The following SH3GL2 variants were observed in gnomAD, a reference collection of about 807,000 sequenced individuals.
The protein encoded by SH3GL2 is SH3 domain containing GRB2 like 2, endophilin A1.
A neutral mutation model predicts 46.0 loss-of-function variants in SH3GL2; 24 were observed. That is an observed-to-expected ratio of 0.52 (90% CI 0.38 to 0.73). The LOEUF is 0.73. Among genes scored for constraint, SH3GL2 ranks in the 30% least tolerant of loss-of-function variants. The pLI, the probability that SH3GL2 is intolerant of heterozygous loss-of-function variation, is 0.00. For missense variants in SH3GL2, 413 were observed against 424.2 expected (o/e 0.97, Z 0.23); for synonymous variants, 196 against 147.1 (o/e 1.33, Z -2.40).
chr9:17,728,307 A>C (rs974833628), intron 1 of SH3GL2, among the ~76,000 whole-genome samples: 7 of 152,216 alleles, frequency 4.6e-5, no homozygotes, highest in African/African-American at 1.7e-4. Context: ...AACTAATAGA[A>C]AAGATGAAGT....
intron 1 of SH3GL2, among the ~76,000 whole-genome samples, chr9:17,718,464 T>A (rs1349267859): frequency 6.6e-6 from 1 of 152,160 alleles, no homozygotes; most frequent in Non-Finnish European, 1.5e-5. Context: ...GGCTCACTCC[T>A]GTAATTGCCA....
intron 3 of SH3GL2, among the ~76,000 whole-genome samples, chr9:17,773,312 T>C (rs1236066842): frequency 1.3e-5 from 2 of 152,170 alleles, no homozygotes; most frequent in Non-Finnish European, 2.9e-5. Context: ...TTCTTAACTT[T>C]CGTGAAGTCC....
At chr9:17,631,114 G>C (rs886251392) in intron 1 of SH3GL2, among the ~76,000 whole-genome samples, 1 of 152,200 alleles carries the variant, frequency 6.6e-6, no homozygotes, top group African/African-American at 2.4e-5. Flanking sequence ...CATAGAGATG[G>C]TGATGCTATA....
chr9:17,636,263 G>A (rs553791250), intron 1 of SH3GL2, among the ~76,000 whole-genome samples: 2 of 152,210 alleles, frequency 1.3e-5, no homozygotes, highest in South Asian at 4.1e-4. Flanking sequence ...CACAGAACTT[G>A]CCACTGTGGG....
chr9:17,638,464 ATTG>A (rs1363323147), intron 1 of SH3GL2, among the ~76,000 whole-genome samples: 1 of 152,216 alleles, frequency 6.6e-6, no homozygotes, highest in East Asian at 1.9e-4. Flanking sequence ...AAATGAAAAC[ATTG>A]TTGTGAAAGT....
Position 17,765,634 on chromosome 9 carries a change from C to A in SH3GL2, c.187+4125C>A, listed in dbSNP as rs181790573. ...TCCCTGCATGGTCAGCCTGCCCTTT[C>A]CCCAACACCTTGCTAGGCTAACAGC... is the stretch of plus-strand genomic sequence containing the variant. On this transcript the variant is annotated intron_variant, in intron 3 of 8. Coordinates refer to ENST00000380607, the MANE Select transcript of SH3GL2 (RefSeq NM_003026.5). Among the ~76,000 whole-genome samples, 2 of 152,306 alleles carry A rather than the reference C, an allele frequency of 1.3e-5. 1 individual carries two copies. The highest frequency in any genetic ancestry group is 3.9e-4 in the East Asian group (2 of 5,182).
intron 1 of SH3GL2, among the ~76,000 whole-genome samples, chr9:17,665,708 A>T (rs899986445): frequency 1.3e-5 from 2 of 151,728 alleles, no homozygotes; most frequent in African/African-American, 4.8e-5. Context: ...CCTTGGAATC[A>T]GCCAGTACTC....
intron 1 of SH3GL2, among the ~76,000 whole-genome samples, chr9:17,733,302 T>C (rs376912089): frequency 2.6e-5 from 4 of 152,168 alleles, no homozygotes; most frequent in South Asian, 4.2e-4. Context: ...ATACTTTAAG[T>C]TTTAGGGTAC....
At position 17,769,623 on chromosome 9, in the gene SH3GL2, G is replaced by A. The variant is rs182987240; in HGVS notation, c.187+8114G>A. Among the ~76,000 whole-genome samples the A allele has an allele frequency of 4.3e-3, 659 of 152,080 alleles. 17 individuals carry two copies. The highest frequency in any genetic ancestry group is 1.9e-3 in the African/African-American group (78 of 41,490). Reference sequence around the variant, plus strand: ...ATCACTCCACCTTCAGTCAGATGCCGTCTCCCTGTACAGTCCTTTCCTGCC... The same window carrying A: ...ATCACTCCACCTTCAGTCAGATGCCATCTCCCTGTACAGTCCTTTCCTGCC... On this transcript the variant is annotated intron_variant, in intron 3 of 8. Coordinates refer to ENST00000380607, the MANE Select transcript of SH3GL2 (RefSeq NM_003026.5).
chr9:17,593,431 G>C (rs574499235), intron 1 of SH3GL2, among the ~76,000 whole-genome samples: 1 of 151,864 alleles, frequency 6.6e-6, no homozygotes, highest in South Asian at 2.1e-4. Context: ...TGGGTTGCTG[G>C]TAGGGAGAAA....
chr9:17,747,363 C>A (rs138694117), intron 2 of SH3GL2, among the ~76,000 whole-genome samples: 2 of 152,154 alleles, frequency 1.3e-5, no homozygotes, highest in Non-Finnish European at 2.9e-5. Context: ...TGAAAGGTCA[C>A]GATGAACTTT....
chr9:17,706,071 C>G (rs572531304), intron 1 of SH3GL2, among the ~76,000 whole-genome samples: 2 of 152,046 alleles, frequency 1.3e-5, no homozygotes, highest in East Asian at 1.9e-4. Context: ...TCGATGATAT[C>G]AAAGTAATGT....
chr9:17,708,982 A>G (rs1025223520), intron 1 of SH3GL2, among the ~76,000 whole-genome samples: 2 of 151,836 alleles, frequency 1.3e-5, no homozygotes, highest in Non-Finnish European at 2.9e-5. Context: ...CCAAGCTATT[A>G]TTTTTCTCCC....
chr9:17,705,612 C>T (rs1821451050), intron 1 of SH3GL2, among the ~76,000 whole-genome samples: 1 of 152,012 alleles, frequency 6.6e-6, no homozygotes, highest in Non-Finnish European at 1.5e-5. Flanking sequence ...CCACGGAGTA[C>T]TACGCAGCTG....
intron 1 of SH3GL2, among the ~76,000 whole-genome samples, chr9:17,717,613 G>A (rs1821794368): frequency 6.6e-6 from 1 of 152,098 alleles, no homozygotes; most frequent in African/African-American, 2.4e-5. Flanking sequence ...AAGAGAATAT[G>A]CCCTCTCTGC....
intron 3 of SH3GL2, among the ~76,000 whole-genome samples, chr9:17,764,448 G>C (rs1297030193): frequency 6.6e-6 from 1 of 152,192 alleles, no homozygotes. Context: ...TCCCAAACTC[G>C]TGCAGTTTGC....
At chr9:17,793,284 A>T (rs1824186755) in intron 7 of SH3GL2, 83 bp from the exon 8 acceptor site, 2 of 1,276,618 alleles carry the variant, frequency 1.6e-6, no homozygotes, top group East Asian at 2.4e-5. Context: ...TGACCCAAGC[A>T]TTTCCTGAAT....
chr9:17,673,334 T>TTA (rs397710517), intron 1 of SH3GL2, among the ~76,000 whole-genome samples: 1 of 150,596 alleles, frequency 6.6e-6, no homozygotes, highest in African/African-American at 2.5e-5. Flanking sequence ...TTTTTTTTTT[T>TTA]ATAGAGGCGG....
intron 2 of SH3GL2, among the ~76,000 whole-genome samples, chr9:17,747,686 T>C (rs1822732842): frequency 6.6e-6 from 1 of 152,080 alleles, no homozygotes; most frequent in Non-Finnish European, 1.5e-5. Context: ...ATTGTTATTA[T>C]TTTTTTGAGA....
Sources: allele counts gnomAD v4.1 joint callset (sites outside exome capture counted in the v4.1 genomes callset), GRCh38; gene constraint gnomAD v4.1.1; transcripts MANE v1.5; gene names NCBI Gene and HGNC (gene_info 2026-07-23, HGNC 2026-07-21).